The following KIAA1549 variants were observed in gnomAD, a reference collection of about 807,000 sequenced individuals.
The protein encoded by KIAA1549 is KIAA1549.
In KIAA1549, 70 loss-of-function variants were observed where a neutral mutation model predicts 156.4. The ratio of observed to expected loss-of-function variants is 0.45; its 90% CI spans 0.37 to 0.55. KIAA1549 has a LOEUF of 0.55. KIAA1549 is among the 20% of genes least tolerant of loss of function. The probability of loss-of-function intolerance (pLI) is 0.00; values close to 1 mark genes in which losing one functional copy is unlikely to be tolerated. For missense variants in KIAA1549, 2,428 were observed against 2,540.9 expected (o/e 0.96, Z 0.96); for synonymous variants, 1,103 against 1,066.4 (o/e 1.03, Z -0.67).
At chr7:138,855,795 T>C (rs1397160806) in intron 16 of KIAA1549, among the ~76,000 whole-genome samples, 6 of 152,110 alleles carry the variant, frequency 3.9e-5, no homozygotes, top group African/African-American at 1.4e-4. Context: ...TTCTCCATAA[T>C]AGGTCTTTCA....
At chr7:138,857,054 T>C (rs1214456505) in intron 16 of KIAA1549, among the ~76,000 whole-genome samples, 2 of 152,152 alleles carry the variant, frequency 1.3e-5, no homozygotes, top group African/African-American at 4.8e-5. Flanking sequence ...GCTTCCAGAT[T>C]CAGACTGGAA....
chr7:138,845,711 A>T (rs1219082591), intron 17 of KIAA1549, among the ~76,000 whole-genome samples: 1 of 151,778 alleles, frequency 6.6e-6, no homozygotes, highest in Non-Finnish European at 1.5e-5. Context: ...CTCATCATCA[A>T]ACTCATCCAG....
At chr7:138,974,876 G>A (rs1328795475) in intron 1 of KIAA1549, among the ~76,000 whole-genome samples, 2 of 151,614 alleles carry the variant, frequency 1.3e-5, no homozygotes, top group Non-Finnish European at 2.9e-5. Flanking sequence ...TGTCTCTCAA[G>A]GTCTCTGGAG....
rs1382674945 is a variant in KIAA1549, at chr7:138,903,614, C to T, written c.3643G>A (p.Val1215Ile). 1 of 1,613,818 alleles carries T rather than the reference C, an allele frequency of 6.2e-7. No homozygotes were observed. Among genetic ancestry groups the T allele is most frequent in the East Asian group, 2.2e-5 (1 of 44,864 alleles). The change falls in exon 8 of 20, where the codon GTA (valine) becomes ATA (isoleucine). Residue 1215 changes from valine (V) to isoleucine (I), a missense_variant. Physicochemically the swap from Val to Ile is conservative, Grantham distance 29. This residue lies in a region of KIAA1549 where 762 missense variants were observed against 901.6 expected (regional missense o/e 0.85). Coordinates refer to ENST00000422774, the MANE Select transcript of KIAA1549 (RefSeq NM_001164665.2). ...TRRRMWRRAT[V>I]AAGNSVVQVV... ...TGCACCACACTGTTCCCTGCAGCTA[C>T]AGTGGCCCTTCTCCACATCCGCCTT... is the stretch of plus-strand genomic sequence containing the variant.
intron 3 of KIAA1549, among the ~76,000 whole-genome samples, chr7:138,912,167 C>G (rs545947163): frequency 6.6e-6 from 1 of 152,314 alleles, no homozygotes; most frequent in African/African-American, 2.4e-5. Flanking sequence ...TAACCCTGAC[C>G]TCATGTGGGA....
At chr7:138,870,238 C>T (rs973886939) in intron 13 of KIAA1549, among the ~76,000 whole-genome samples, 4 of 151,936 alleles carry the variant, frequency 2.6e-5, no homozygotes, top group Admixed American at 1.3e-4. Flanking sequence ...ACGGAGTCAC[C>T]GAGAGAGCGA....
chr7:138,844,957 C>G (rs1312032820), intron 17 of KIAA1549, among the ~76,000 whole-genome samples: 3 of 151,962 alleles, frequency 2.0e-5, no homozygotes, highest in Non-Finnish European at 1.5e-5. Flanking sequence ...GCAAGCTCCA[C>G]AGTGGTAACT....
In KIAA1549 at chr7:138,837,057, T is replaced by C. The variant is rs1459796243; in HGVS notation, c.*849A>G. On this transcript the variant is annotated 3_prime_UTR_variant, in exon 20 of 20. Coordinates refer to ENST00000422774, the MANE Select transcript of KIAA1549 (RefSeq NM_001164665.2). ...TAGCGATCGGTGCTGAACTGGGACA[T>C]GACCAGGAGTTGTGTGTGCCCAATT... 1.3e-5 allele frequency: 3 copies of C among 228,832 alleles called. No homozygotes were observed. Among genetic ancestry groups the C allele is most frequent in the Non-Finnish European group, 2.6e-5 (3 of 115,436 alleles). 14.2% of individuals were successfully genotyped at this position (228,832 alleles called of 1,614,324 possible).
intron 10 of KIAA1549, among the ~76,000 whole-genome samples, chr7:138,884,206 T>C (rs1381021087): frequency 6.6e-6 from 1 of 152,102 alleles, no homozygotes; most frequent in African/African-American, 2.4e-5. Context: ...TCCTGGAAGG[T>C]AGCACCCCCA....
intron 1 of KIAA1549, among the ~76,000 whole-genome samples, chr7:138,949,901 T>C (rs1261543367): frequency 8.5e-5 from 13 of 152,242 alleles, no homozygotes; most frequent in Non-Finnish European, 2.9e-5. Context: ...CGAGTACACC[T>C]GACTTCAAGT....
rs913950013 is a variant in KIAA1549, at chr7:138,832,956, C to T, written c.*4950G>A. The T allele has an allele frequency of 4.8e-5, 11 of 231,092 alleles. No individual in the cohort carries two copies. The highest frequency in any genetic ancestry group is 2.4e-4 in the African/African-American group (11 of 45,184). 14.3% of individuals were successfully genotyped at this position (231,092 alleles called of 1,614,324 possible). On this transcript the variant is annotated 3_prime_UTR_variant, in exon 20 of 20. Coordinates refer to ENST00000422774, the MANE Select transcript of KIAA1549 (RefSeq NM_001164665.2). ...ATGTTACAGCAGCTGCTCATAGAAA[C>T]CCTGTTAGAACGTGTTAACATGTTA...
chr7:138,928,095 G>T (rs1443447810), intron 1 of KIAA1549, among the ~76,000 whole-genome samples: 1 of 150,146 alleles, frequency 6.7e-6, no homozygotes, highest in Non-Finnish European at 1.5e-5. Flanking sequence ...TAATTTTTTT[G>T]TATTTTTAGT....
chr7:138,966,855 G>A (rs929506410), intron 1 of KIAA1549, among the ~76,000 whole-genome samples: 1 of 152,130 alleles, frequency 6.6e-6, no homozygotes. Context: ...CACCTTTGGA[G>A]GAAGCACAGT....
chr7:138,918,670 G>T lies in KIAA1549; in HGVS notation c.956C>A (p.Ala319Glu). The T allele has an allele frequency of 3.7e-6, 6 of 1,613,802 alleles. No individual in the cohort carries two copies. The highest frequency in any genetic ancestry group is 5.1e-6 in the Non-Finnish European group (6 of 1,179,888). ...QPPEEVWATS[A>E]DRYTDVTTVL... is the part of the protein sequence containing the mutation. ...AGTGGTCACATCAGTGTATCTGTCT[G>T]CACTTGTGGCCCAAACCTCCTCTGG... Residue 319 changes from alanine to glutamate, a missense_variant, in exon 2 of 20, where the codon GCA (alanine) becomes GAA (glutamate). Ala to Glu is a moderately radical substitution (Grantham distance 107). Transcript: ENST00000422774. This position sits in a 1 kb window ranked among gnomAD's most constrained non-coding sequence, Gnocchi z 4.2.
In KIAA1549 at chr7:138,876,973, T is replaced by TACA. The variant is rs561601449; in HGVS notation, c.4345+2564_4345+2565insTGT. On this transcript the variant is annotated intron_variant, in intron 12 of 19. Coordinates refer to ENST00000422774, the MANE Select transcript of KIAA1549 (RefSeq NM_001164665.2). ...TGTTCTCTCAGCTTCCATTGCAAGG[T>TACA]GGGTCCTTAATATGCCACATGACCT... Among the ~76,000 whole-genome samples, 14 of 152,204 alleles carry TACA rather than the reference T, an allele frequency of 9.2e-5. No individual in the cohort carries two copies. The South Asian group carries it at 2.9e-3, about 32-fold the overall frequency.
chr7:138,931,949 A>C (rs989051011), intron 1 of KIAA1549, among the ~76,000 whole-genome samples: 1 of 151,976 alleles, frequency 6.6e-6, no homozygotes, highest in African/African-American at 2.4e-5. Flanking sequence ...CACATTTAAG[A>C]CCATGTGTTC....
At position 138,881,708 on chromosome 7, in the gene KIAA1549, G is replaced by C. The variant is rs114527558; in HGVS notation, c.4033-124C>G. The C allele has an allele frequency of 2.2e-4, 173 of 787,882 alleles. No homozygotes were observed. In the African/African-American group the frequency reaches 2.7e-3, roughly 12 times the overall value. The allele number at this position is 787,882 out of a possible 1,614,324, so 48.8% of individuals were successfully genotyped here. A position where few individuals can be genotyped will look rare whatever the true frequency, so the allele number is the denominator to read the frequency against. ...AACTCCAATCCAACAAGCATCGCTAGAACATGGACTGCATGCCAGGTTCTG... is the reference window on the plus strand; with the variant it reads ...AACTCCAATCCAACAAGCATCGCTACAACATGGACTGCATGCCAGGTTCTG... On this transcript the variant is annotated intron_variant, in intron 10 of 19. Transcript: ENST00000422774.
At chr7:138,953,939 T>G (rs907852180) in intron 1 of KIAA1549, among the ~76,000 whole-genome samples, 2 of 152,224 alleles carry the variant, frequency 1.3e-5, no homozygotes. Context: ...TTCATGATCT[T>G]TCTCAGAGGT....
At chr7:138,952,765 G>A (rs1483463648) in intron 1 of KIAA1549, among the ~76,000 whole-genome samples, 1 of 152,194 alleles carries the variant, frequency 6.6e-6, no homozygotes, top group African/African-American at 2.4e-5. Flanking sequence ...TTCAGATCCT[G>A]AGGAGGTGTT....
Sources: gnomAD v4.1 joint callset for allele counts (sites outside exome capture counted in the v4.1 genomes callset) on GRCh38, gnomAD v4.1.1 for gene constraint, gnomAD v4.1.1 regional missense constraint, Gnocchi (gnomAD v3.1) non-coding constraint, MANE v1.5 for transcripts, NCBI Gene and HGNC (gene_info 2026-07-23, HGNC 2026-07-21) for gene names.